FOXP1: variants seen among roughly 807,000 people sequenced by gnomAD.
FOXP1 encodes the protein forkhead box P1.
FOXP1 carries 15 observed loss-of-function variants against 98.2 expected under a neutral mutation model. The observed-to-expected ratio is 0.15, with a 90% confidence interval of 0.10 to 0.24. The LOEUF is 0.24. Ranked by LOEUF, FOXP1 falls within the 10% of genes least tolerant of loss-of-function variation. The pLI is 1.00. For missense variants in FOXP1, 633 were observed against 848.5 expected (o/e 0.75, Z 3.15); for synonymous variants, 371 against 314.5 (o/e 1.18, Z -1.90).
At chr3:71,135,834 C>G (rs2059796767) in intron 6 of FOXP1, among the ~76,000 whole-genome samples, 1 of 152,148 alleles carries the variant, frequency 6.6e-6, no homozygotes, top group Non-Finnish European at 1.5e-5. Flanking sequence ...CGGCAGCGAC[C>G]CACCCAAATC....
intron 13 of FOXP1, among the ~76,000 whole-genome samples, chr3:70,995,836 C>T (rs775750937): frequency 1.3e-5 from 2 of 152,182 alleles, no homozygotes; most frequent in Non-Finnish European, 2.9e-5. Context: ...ACAAGCTCTA[C>T]ATAAACATTC....
intron 4 of FOXP1, among the ~76,000 whole-genome samples, chr3:71,357,398 CAT>C (rs2078236504): frequency 6.6e-6 from 1 of 152,136 alleles, no homozygotes; most frequent in Admixed American, 6.6e-5. Flanking sequence ...AAAATTCTAA[CAT>C]GTAAAATTCA....
intron 19 of FOXP1, among the ~76,000 whole-genome samples, chr3:70,967,699 T>TG (rs2035199418): frequency 2.3e-5 from 2 of 86,768 alleles, no homozygotes; most frequent in Admixed American, 1.1e-4. Context: ...TTTTTTTTTT[T>TG]GTTTTTTTTT....
intron 2 of FOXP1, among the ~76,000 whole-genome samples, chr3:71,568,741 G>A (rs775299285): frequency 3.3e-5 from 5 of 151,852 alleles, no homozygotes; most frequent in African/African-American, 4.8e-5. Flanking sequence ...CTGCCTCCCC[G>A]GTTCAAGCAA....
chr3:71,534,452 G>T (rs1014794980), intron 2 of FOXP1, among the ~76,000 whole-genome samples: 1 of 151,840 alleles, frequency 6.6e-6, no homozygotes, highest in Non-Finnish European at 1.5e-5. Flanking sequence ...GCATGTGGTC[G>T]AAAAAAAATC....
chr3:71,244,395 C>G (rs1005323424), intron 5 of FOXP1, among the ~76,000 whole-genome samples: 10 of 152,098 alleles, frequency 6.6e-5, no homozygotes, highest in East Asian at 1.9e-4. Flanking sequence ...TGGCCCTCCC[C>G]CCGAAGCACA....
At chr3:71,071,044 C>CG in intron 7 of FOXP1, among the ~76,000 whole-genome samples, 1 of 152,252 alleles carries the variant, frequency 6.6e-6, no homozygotes, top group South Asian at 2.1e-4. Context: ...AAACATTTTC[C>CG]GGGGCTCTGC....
intron 14 of FOXP1, among the ~76,000 whole-genome samples, chr3:70,979,034 A>C (rs1488047335): frequency 6.6e-6 from 1 of 152,134 alleles, no homozygotes; most frequent in Non-Finnish European, 1.5e-5. Flanking sequence ...TGGGAGGCTG[A>C]GGTGGGAGGA....
intron 3 of FOXP1, among the ~76,000 whole-genome samples, chr3:71,428,903 G>A (rs1014567324): frequency 2.6e-5 from 4 of 152,190 alleles, no homozygotes; most frequent in African/African-American, 4.8e-5. Context: ...TGCTGAAGCC[G>A]GGGCTTTCCT....
At chr3:71,437,094 CAAT>C (rs1055527151) in intron 3 of FOXP1, among the ~76,000 whole-genome samples, 1 of 152,116 alleles carries the variant, frequency 6.6e-6, no homozygotes. Flanking sequence ...TTTGATCCAA[CAAT>C]GTCACTTCTA....
intron 2 of FOXP1, among the ~76,000 whole-genome samples, chr3:71,510,587 C>G (rs2042134686): frequency 6.6e-6 from 1 of 152,202 alleles, no homozygotes; most frequent in South Asian, 2.1e-4. Flanking sequence ...AAGGCTTCCC[C>G]CTAGACACTT....
chr3:71,147,439 C>T (rs967458013), intron 6 of FOXP1, among the ~76,000 whole-genome samples: 2 of 152,256 alleles, frequency 1.3e-5, no homozygotes, highest in East Asian at 1.9e-4. Flanking sequence ...GCTGTTCTTC[C>T]GCCATACACA....
At chr3:71,335,147 T>C (rs1019380932) in intron 4 of FOXP1, 1 of 151,924 alleles carries the variant, frequency 6.6e-6, no homozygotes, top group African/African-American at 2.4e-5. Context: ...TAGCCAGGCA[T>C]GGTGGCACAT....
At chr3:71,090,338 T>A (rs1559907630) in intron 7 of FOXP1, among the ~76,000 whole-genome samples, 2 of 152,188 alleles carry the variant, frequency 1.3e-5, no homozygotes. Flanking sequence ...TTAGAAAACA[T>A]TTGCCCCGTT....
intron 7 of FOXP1, among the ~76,000 whole-genome samples, chr3:71,101,062 G>A (rs901134820): frequency 2.0e-5 from 3 of 152,144 alleles, no homozygotes; most frequent in African/African-American, 4.8e-5. Flanking sequence ...TGAAGGGACA[G>A]CTCTAGAATA....
At chr3:71,021,875 T>C (rs1241930202) in intron 11 of FOXP1, among the ~76,000 whole-genome samples, 1 of 152,244 alleles carries the variant, frequency 6.6e-6, no homozygotes, top group African/African-American at 2.4e-5. Context: ...GGGCTGTTTT[T>C]TGCAAATATT....
At chr3:71,006,410 G>C (rs2042818173) in intron 12 of FOXP1, among the ~76,000 whole-genome samples, 1 of 152,014 alleles carries the variant, frequency 6.6e-6, no homozygotes, top group Non-Finnish European at 1.5e-5. Context: ...TACCGCAGGT[G>C]ATAAAACTCA....
chr3:71,120,585 T>A (rs1366410804), intron 6 of FOXP1, among the ~76,000 whole-genome samples: 1 of 152,198 alleles, frequency 6.6e-6, no homozygotes, highest in Non-Finnish European at 1.5e-5. Flanking sequence ...TGTGTTTGAG[T>A]CAAAGTGGAA....
intron 19 of FOXP1, among the ~76,000 whole-genome samples, chr3:70,967,715 T>TTTTTTTTTTTTTTG (rs2035238197): frequency 7.2e-6 from 1 of 138,338 alleles, no homozygotes; most frequent in African/African-American, 2.9e-5. Context: ...TTTTTGTTTT[T>TTTTTTTTTTTTTTG]TTTTTTTTTT....
Sources: gnomAD v4.1 joint callset for allele counts (sites outside exome capture counted in the v4.1 genomes callset) on GRCh38, gnomAD v4.1.1 for gene constraint, MANE v1.5 for transcripts, NCBI Gene and HGNC (gene_info 2026-07-23, HGNC 2026-07-21) for gene names.